The following WDR25 variants were observed in gnomAD, a reference collection of about 807,000 sequenced individuals.
WDR25 encodes the protein WD repeat domain 25.
Under a neutral mutation model 47.7 loss-of-function variants are expected in WDR25, and 35 were observed. The ratio of observed to expected loss-of-function variants is 0.73; its 90% CI spans 0.56 to 0.97. WDR25 has a LOEUF of 0.97. WDR25 is among the 50% of genes least tolerant of loss of function. The pLI is 0.00. For missense variants in WDR25, 634 were observed against 704.7 expected (o/e 0.90, Z 1.14); for synonymous variants, 248 against 278.9 (o/e 0.89, Z 1.10).
At chr14:100,393,672 T>C (rs1394197762) in intron 2 of WDR25, among the ~76,000 whole-genome samples, 3 of 152,100 alleles carry the variant, frequency 2.0e-5, no homozygotes, top group Admixed American at 6.5e-5. Flanking sequence ...ACTCGGGCAG[T>C]AGACTACTTG....
chr14:100,422,654 C>T (rs1898059705), intron 2 of WDR25, among the ~76,000 whole-genome samples: 1 of 152,234 alleles, frequency 6.6e-6, no homozygotes, highest in Non-Finnish European at 1.5e-5. Context: ...AGCTTCCCCT[C>T]CTGAGTATTT....
intron 2 of WDR25, among the ~76,000 whole-genome samples, chr14:100,462,342 A>G (rs561250763): frequency 1.3e-5 from 2 of 152,376 alleles, no homozygotes; most frequent in African/African-American, 4.8e-5. Context: ...CCTTAATTCT[A>G]TGAAGGCAGT....
chr14:100,419,495 T>G (rs1025508788), intron 2 of WDR25, among the ~76,000 whole-genome samples: 1 of 152,226 alleles, frequency 6.6e-6, no homozygotes, highest in African/African-American at 2.4e-5. Flanking sequence ...CAGCATCTTT[T>G]CTTGTTGAGA....
At position 100,427,385 on chromosome 14, in the gene WDR25, G is replaced by A. The variant is rs372219890; in HGVS notation, c.823-40636G>A. On this transcript the variant is annotated intron_variant, in intron 2 of 6. Transcript: ENST00000402312. ...CCAAATGTATCCCGTTCACCATGGG[G>A]CAGGGGCCTGTGTGTCTTGCTCACT... Among the ~76,000 whole-genome samples, 229 of 152,276 alleles carry A rather than the reference G, an allele frequency of 1.5e-3. 3 individuals carry two copies. Among genetic ancestry groups the A allele is most frequent in the African/African-American group, 5.3e-3 (220 of 41,564 alleles).
intron 2 of WDR25, among the ~76,000 whole-genome samples, chr14:100,455,797 A>G (rs1490144653): frequency 1.3e-5 from 2 of 152,230 alleles, no homozygotes; most frequent in Non-Finnish European, 2.9e-5. Flanking sequence ...TCATACTTAT[A>G]GTGAATGAGA....
intron 2 of WDR25, among the ~76,000 whole-genome samples, chr14:100,438,309 C>T (rs1050842427): frequency 6.6e-6 from 1 of 152,114 alleles, no homozygotes; most frequent in African/African-American, 2.4e-5. Context: ...GCTTTCAGCC[C>T]AATGAAGATA....
At chr14:100,467,930 GA>G in intron 2 of WDR25, 90 bp from the exon 3 acceptor site, 2 of 1,499,684 alleles carry the variant, frequency 1.3e-6, no homozygotes, top group Non-Finnish European at 1.8e-6. Flanking sequence ...TAATTCCACC[GA>G]GACCTTTTTC....
At chr14:100,521,562 A>G (rs1430432009) in intron 4 of WDR25, among the ~76,000 whole-genome samples, 1 of 152,106 alleles carries the variant, frequency 6.6e-6, no homozygotes, top group Admixed American at 6.5e-5. Context: ...TGTGTCCTGG[A>G]GATCGCTTCA....
At chr14:100,489,694 CTCTT>C (rs921739715) in intron 4 of WDR25, among the ~76,000 whole-genome samples, 8 of 152,190 alleles carry the variant, frequency 5.3e-5, no homozygotes, top group African/African-American at 1.7e-4. Flanking sequence ...AGTTCCTCCT[CTCTT>C]TCTATGTGCA....
rs1049131977 is a variant in WDR25 at position 100,513,178 on chromosome 14, C to T, written c.1102-12692C>T. 9.9e-5 allele frequency among the ~76,000 whole-genome samples: 15 copies of T among 152,162 alleles called. No homozygotes were observed. The East Asian group carries it at 1.2e-3, about 12-fold the overall frequency. ...TATAAGAGCTGTGCTATACTTTGAA[C>T]GTATGTATCCCTCCAAAATTTATAT... is the stretch of plus-strand genomic sequence containing the variant. On this transcript the variant is annotated intron_variant, in intron 4 of 6. Coordinates refer to ENST00000402312, the MANE Select transcript of WDR25 (RefSeq NM_001161476.3).
intron 2 of WDR25, among the ~76,000 whole-genome samples, chr14:100,415,903 A>G (rs1451320244): frequency 6.6e-6 from 1 of 152,210 alleles, no homozygotes; most frequent in Non-Finnish European, 1.5e-5. Context: ...ACAGTTCATG[A>G]CAGTGCCTCT....
chr14:100,436,491 T>C (rs1034279613), intron 2 of WDR25, among the ~76,000 whole-genome samples: 3 of 152,256 alleles, frequency 2.0e-5, no homozygotes, highest in African/African-American at 4.8e-5. Context: ...GATGGCATCT[T>C]AATGTTGGCT....
chr14:100,468,241 G>GCAGC lies in WDR25; in HGVS notation c.970+76_970+79dup, dbSNP rs1566925039. 15 of 1,552,786 alleles carry GCAGC rather than the reference G, an allele frequency of 9.7e-6. No individual in the cohort carries two copies. The highest frequency in any genetic ancestry group is 1.8e-4 in the Middle Eastern group (1 of 5,678). On this transcript the variant is annotated intron_variant, in intron 3 of 6. Transcript: ENST00000402312. The surrounding 1 kb of genome is among the most constrained non-coding windows in gnomAD (Gnocchi z 4.5). ...CTGGGGAAGGTTCTCTGGTGGGCAC[G>GCAGC]CAGCCACAAGCTGTATACGCTTGCG...
chr14:100,413,198 C>T (rs912197667), intron 2 of WDR25, among the ~76,000 whole-genome samples: 4 of 152,050 alleles, frequency 2.6e-5, no homozygotes, highest in African/African-American at 9.7e-5. Flanking sequence ...AAAATGCAGC[C>T]CTGTAAGTAC....
Position 100,381,449 on chromosome 14 carries a change from C to T in WDR25, c.525C>T (p.Pro175=), listed in dbSNP as rs760964529. ...AAAAATGTGAGGACTGTGTGGTACC[C>T]TATACTCCCAGAAGACTAAGACAGC... ...QKKKCEDCVV[P]YTPRRLRQRQ... is the part of the protein sequence containing the mutation. The change falls in exon 2 of 7, where the codon CCC becomes CCT. Residue 175 remains proline (P), a synonymous_variant. Transcript: ENST00000402312. The T allele has an allele frequency of 1.2e-6, 2 of 1,614,068 alleles. No individual in the cohort carries two copies. The highest frequency in any genetic ancestry group is 2.7e-5 in the African/African-American group (2 of 74,928).
At chr14:100,519,994 G>GTGTATATATATGTACAC (rs1901660098) in intron 4 of WDR25, among the ~76,000 whole-genome samples, 2 of 144,782 alleles carry the variant, frequency 1.4e-5, no homozygotes, top group Admixed American at 1.4e-4. Context: ...TATATATAGT[G>GTGTATATATATGTACAC]TGTATATATA....
In WDR25 at chr14:100,407,766, T is replaced by A. The variant is rs567075561; in HGVS notation, c.822+26020T>A. Among the ~76,000 whole-genome samples, 1 of 152,260 alleles carries A rather than the reference T, an allele frequency of 6.6e-6. No individual in the cohort carries two copies. The highest frequency in any genetic ancestry group is 2.4e-5 in the African/African-American group (1 of 41,544). Reference sequence around the variant, plus strand: ...GGCCCTGACACCCAGTTTGGCTAGGTTGAGTCTGGGTGCCAGAGATTAGAG... The same window carrying A: ...GGCCCTGACACCCAGTTTGGCTAGGATGAGTCTGGGTGCCAGAGATTAGAG... On this transcript the variant is annotated intron_variant, in intron 2 of 6. Coordinates refer to ENST00000402312, the MANE Select transcript of WDR25 (RefSeq NM_001161476.3). The surrounding 1 kb of genome is among the most constrained non-coding windows in gnomAD (Gnocchi z 4.1).
rs1473332449 is a variant in WDR25, at chr14:100,459,932, A to T, written c.823-8089A>T. Among the ~76,000 whole-genome samples, 4 of 109,802 alleles carry T rather than the reference A, an allele frequency of 3.6e-5. No homozygotes were observed. The South Asian group carries it at 1.1e-3, about 30-fold the overall frequency. 72.0% of individuals were successfully genotyped at this position (109,802 alleles called of 152,430 possible). A position where few individuals can be genotyped will look rare whatever the true frequency, so the allele number is the denominator to read the frequency against. ...TATATATATATATATATATATATAT[A>T]TATATATACACATACACATACACAC... On this transcript the variant is annotated intron_variant, in intron 2 of 6. Transcript: ENST00000402312.
At chr14:100,403,793 C>G (rs1897450849) in intron 2 of WDR25, among the ~76,000 whole-genome samples, 1 of 152,180 alleles carries the variant, frequency 6.6e-6, no homozygotes, top group Admixed American at 6.5e-5. Flanking sequence ...CAGGCCCACT[C>G]TTCTAATTGA....
Sources: gnomAD v4.1 joint callset for allele counts (sites outside exome capture counted in the v4.1 genomes callset) on GRCh38, gnomAD v4.1.1 for gene constraint, Gnocchi (gnomAD v3.1) non-coding constraint, MANE v1.5 for transcripts, NCBI Gene and HGNC (gene_info 2026-07-23, HGNC 2026-07-21) for gene names.